Variants in AUTS2 observed in about 807,000 individuals in gnomAD.
AUTS2 encodes activator of transcription and developmental regulator AUTS2.
Under a neutral mutation model 112.4 loss-of-function variants are expected in AUTS2, and 17 were observed. The observed-to-expected ratio is 0.15, with a 90% CI of 0.10 to 0.23. The LOEUF (loss-of-function observed/expected upper bound fraction) is 0.23. Among genes scored for constraint, AUTS2 ranks in the 10% least tolerant of loss-of-function variants. The pLI is 1.00. For synonymous variants in AUTS2, 751 were observed against 702.7 expected, an observed-to-expected ratio of 1.07 and a Z score of -1.09; for missense variants, 1,510 against 1,701.6, an observed-to-expected ratio of 0.89 and a Z score of 1.98.
At chr7:70,334,868 G>A (rs910210254) in intron 4 of AUTS2, among the ~76,000 whole-genome samples, 3 of 152,126 alleles carry the variant, frequency 2.0e-5, no homozygotes, top group Non-Finnish European at 2.9e-5. Context: ...TTCTAGTTAT[G>A]TATGGAGATA....
In AUTS2 at chr7:70,399,332, A is replaced by C. The variant is rs570206773; in HGVS notation, c.661-36420A>C. Among the ~76,000 whole-genome samples the C allele has an allele frequency of 4.6e-5, 7 of 152,276 alleles. 1 individual carries two copies. In the South Asian group the frequency reaches 1.2e-3, roughly 27 times the overall value. ...TGTGTGACTATGGTGAATTATATTC[A>C]TAGATTTCCAATATTACGCCATTCT... On this transcript the variant is annotated intron_variant, in intron 4 of 18. Transcript: ENST00000342771.
intron 4 of AUTS2, among the ~76,000 whole-genome samples, chr7:70,258,587 T>A (rs1006759826): frequency 1.3e-5 from 2 of 152,186 alleles, no homozygotes; most frequent in Admixed American, 1.3e-4. Flanking sequence ...TTCACAGGGT[T>A]TCATTTTTGG....
intron 7 of AUTS2, among the ~76,000 whole-genome samples, chr7:70,764,075 G>C (rs1181068293): frequency 6.6e-6 from 1 of 152,134 alleles, no homozygotes; most frequent in African/African-American, 2.4e-5. Flanking sequence ...ATTCTAACCC[G>C]GCACAGCTCC....
chr7:70,238,951 T>G (rs2129599421), intron 4 of AUTS2, among the ~76,000 whole-genome samples: 1 of 152,270 alleles, frequency 6.6e-6, no homozygotes. Context: ...ATTAAGTATT[T>G]GCTTTGAGCA....
intron 4 of AUTS2, among the ~76,000 whole-genome samples, chr7:70,362,452 G>A (rs941375199): frequency 2.0e-5 from 3 of 152,160 alleles, no homozygotes; most frequent in Non-Finnish European, 4.4e-5. Flanking sequence ...CTGAAATACT[G>A]TAGTGGGATC....
At chr7:70,687,417 C>G (rs1279994896) in intron 5 of AUTS2, among the ~76,000 whole-genome samples, 2 of 152,166 alleles carry the variant, frequency 1.3e-5, no homozygotes, top group Non-Finnish European at 2.9e-5. Flanking sequence ...TTGTCAGATT[C>G]TGAATATTAA....
At chr7:70,508,766 G>A (rs1265155770) in intron 5 of AUTS2, among the ~76,000 whole-genome samples, 1 of 152,194 alleles carries the variant, frequency 6.6e-6, no homozygotes, top group Non-Finnish European at 1.5e-5. Context: ...AGGTAGAAAT[G>A]TTTTAATCAC....
intron 2 of AUTS2, among the ~76,000 whole-genome samples, chr7:69,956,551 G>A (rs1288683243): frequency 1.3e-5 from 2 of 152,034 alleles, no homozygotes; most frequent in African/African-American, 2.4e-5. Context: ...AACCCCTTAC[G>A]AGATTTTTAG....
At chr7:70,336,595 T>C (rs1017047160) in intron 4 of AUTS2, among the ~76,000 whole-genome samples, 2 of 152,212 alleles carry the variant, frequency 1.3e-5, no homozygotes, top group African/African-American at 4.8e-5. Flanking sequence ...TTTTGAATTA[T>C]ATCAATTAGC....
intron 1 of AUTS2, among the ~76,000 whole-genome samples, chr7:69,739,667 T>C (rs558511127): frequency 7.3e-4 from 111 of 152,342 alleles, no homozygotes; most frequent in Non-Finnish European, 8.4e-4. Context: ...CACCTCATCT[T>C]TTTAAGTAAA....
chr7:70,156,992 G>C (rs547470863), intron 4 of AUTS2, among the ~76,000 whole-genome samples: 2 of 146,692 alleles, frequency 1.4e-5, no homozygotes, highest in East Asian at 4.0e-4. Context: ...CAGGAGAATC[G>C]CTTGAACCTG....
intron 5 of AUTS2, among the ~76,000 whole-genome samples, chr7:70,550,283 G>C (rs1282227306): frequency 1.3e-5 from 2 of 152,174 alleles, no homozygotes; most frequent in Non-Finnish European, 2.9e-5. Context: ...TCAGATTCAA[G>C]TACAATGCTT....
chr7:70,722,849 C>T (rs73165383), intron 6 of AUTS2, among the ~76,000 whole-genome samples: 8,463 of 152,252 alleles, frequency 0.056, 315 homozygotes, highest in Non-Finnish European at 0.087. Flanking sequence ...TAGGGAGCCT[C>T]GCAGTGTCAG....
chr7:69,645,202 G>T (rs1396136063), intron 1 of AUTS2, among the ~76,000 whole-genome samples: 1 of 151,798 alleles, frequency 6.6e-6, no homozygotes. Context: ...ATGAGCCACT[G>T]TGCCTGGCAG....
intron 4 of AUTS2, among the ~76,000 whole-genome samples, chr7:70,242,016 C>T (rs1812640669): frequency 6.6e-6 from 1 of 152,136 alleles, no homozygotes; most frequent in Admixed American, 6.6e-5. Flanking sequence ...ATGGTACAGC[C>T]CCTATTCTTT....
chr7:70,533,671 T>C (rs1372831281), intron 5 of AUTS2, among the ~76,000 whole-genome samples: 1 of 152,204 alleles, frequency 6.6e-6, no homozygotes, highest in Non-Finnish European at 1.5e-5. Context: ...ACTAATAAAA[T>C]CACAGAAGAG....
chr7:70,100,288 G>A (rs1282446635), intron 2 of AUTS2, among the ~76,000 whole-genome samples: 2 of 152,082 alleles, frequency 1.3e-5, no homozygotes, highest in Non-Finnish European at 2.9e-5. Context: ...CTGTGCTTTA[G>A]GACACTTTTC....
chr7:70,065,628 C>A (rs971569208), intron 2 of AUTS2, among the ~76,000 whole-genome samples: 1 of 152,022 alleles, frequency 6.6e-6, no homozygotes, highest in Admixed American at 6.5e-5. Context: ...ACCCGAGAGG[C>A]GGAGGTTATG....
chr7:69,672,555 C>T (rs925517026), intron 1 of AUTS2, among the ~76,000 whole-genome samples: 11 of 152,192 alleles, frequency 7.2e-5, no homozygotes, highest in Non-Finnish European at 1.5e-4. Context: ...TGTGTCTCAC[C>T]TAGATAGCTC....
Sources: gnomAD v4.1 joint callset for allele counts (sites outside exome capture counted in the v4.1 genomes callset) on GRCh38, gnomAD v4.1.1 for gene constraint, MANE v1.5 for transcripts, NCBI Gene and HGNC (gene_info 2026-07-23, HGNC 2026-07-21) for gene names.